The following RNF213 variants were observed in gnomAD, a reference collection of about 807,000 sequenced individuals.
RNF213 encodes E3 ubiquitin-protein ligase RNF213.
In RNF213, 341 loss-of-function variants were observed where a neutral mutation model predicts 514.4. The ratio of observed to expected loss-of-function variants is 0.66; its 90% CI spans 0.61 to 0.73. The LOEUF (loss-of-function observed/expected upper bound fraction) is 0.73. Ranked by LOEUF, RNF213 falls within the 30% of genes least tolerant of loss-of-function variation. The pLI is 0.00. For missense variants in RNF213, 5,767 were observed against 6,615.6 expected (o/e 0.87, Z 4.45); for synonymous variants, 2,655 against 2,658.2 (o/e 1.00, Z 0.04).
At chr17:80,387,827 A>G (rs1568172292) in intron 63 of RNF213, among the ~76,000 whole-genome samples, 1 of 152,148 alleles carries the variant, frequency 6.6e-6, no homozygotes, top group Non-Finnish European at 1.5e-5. Flanking sequence ...CTGAAGCCAC[A>G]CAGCAGGCAC....
intron 56 of RNF213, chr17:80,381,237 G>T: frequency 6.6e-6 from 4 of 604,666 alleles, no homozygotes; most frequent in Non-Finnish European, 1.2e-5. Flanking sequence ...CCACATCTGG[G>T]AGTAGAGAGG....
At chr17:80,392,082 T>A (rs1174569599) in intron 67 of RNF213, among the ~76,000 whole-genome samples, 1 of 152,066 alleles carries the variant, frequency 6.6e-6, no homozygotes, top group Non-Finnish European at 1.5e-5. Context: ...CTCTCTCTTC[T>A]TGTGCTTTCA....
At chr17:80,360,422 T>C (rs1371631877) in intron 38 of RNF213, 1 of 588,002 alleles carries the variant, frequency 1.7e-6, no homozygotes, top group Non-Finnish European at 3.1e-6. Flanking sequence ...CCAGAAACCT[T>C]TCGATCCTAT....
chr17:80,304,612 C>T lies in RNF213; in HGVS notation c.2211-1640C>T, dbSNP rs534722447. Among the ~76,000 whole-genome samples the T allele has an allele frequency of 5.0e-3, 762 of 151,950 alleles. 7 individuals carry two copies. Among genetic ancestry groups the T allele is most frequent in the African/African-American group, 0.015 (601 of 41,412 alleles). On this transcript the variant is annotated intron_variant, in intron 11 of 67. Transcript: ENST00000582970. ...CCGAGATCACACCACTGCACTCCAG[C>T]CAAGGCAACAGAGTGAGACTCCAAC...
intron 18 of RNF213, among the ~76,000 whole-genome samples, chr17:80,326,740 C>T (rs1029783753): frequency 2.6e-5 from 4 of 152,206 alleles, no homozygotes; most frequent in African/African-American, 9.7e-5. Context: ...GAGCTAACTT[C>T]GTTTTACCAC....
intron 17 of RNF213, chr17:80,321,404 T>A (rs1463527929): frequency 6.6e-6 from 1 of 152,246 alleles, no homozygotes; most frequent in Non-Finnish European, 1.5e-5. Flanking sequence ...CGTTTATCCA[T>A]GTGTCCATTG....
chr17:80,266,356 G>A (rs958178221), intron 2 of RNF213, among the ~76,000 whole-genome samples: 2 of 151,868 alleles, frequency 1.3e-5, no homozygotes, highest in South Asian at 4.1e-4. Context: ...CGAGGCTGCA[G>A]TAAGCCATGA....
At chr17:80,307,067 C>A in intron 12 of RNF213, 61 bp from the exon 13 acceptor site, 1 of 1,525,174 alleles carries the variant, frequency 6.6e-7, no homozygotes, top group Non-Finnish European at 9.1e-7. Flanking sequence ...TCTGTTTTAG[C>A]AATGACAGTG....
intron 8 of RNF213, among the ~76,000 whole-genome samples, chr17:80,292,585 C>T (rs1014436900): frequency 6.6e-6 from 1 of 152,040 alleles, no homozygotes; most frequent in Non-Finnish European, 1.5e-5. Flanking sequence ...CTGTCATCCT[C>T]AGCACATCAG....
At chr17:80,374,050 C>T (rs1246724282) in intron 49 of RNF213, among the ~76,000 whole-genome samples, 1 of 151,726 alleles carries the variant, frequency 6.6e-6, no homozygotes, top group African/African-American at 2.4e-5. Context: ...CTCAGTGGTC[C>T]TTTCCAGATA....
rs775085564 is a variant in RNF213 at position 80,363,610 on chromosome 17, C to T, written c.11570C>T (p.Thr3857Ile). 65 of 1,613,452 alleles carry T rather than the reference C, an allele frequency of 4.0e-5. No homozygotes were observed. The highest frequency in any genetic ancestry group is 1.8e-4 in the South Asian group (16 of 91,062). The change falls in exon 41 of 68, where the codon ACC becomes ATC. Residue 3857 changes from threonine (T) to isoleucine (I), a missense_variant and splice_region_variant. By Grantham distance (89) the Thr-to-Ile change is moderately conservative. Around this residue, in one of 13 missense-constraint regions of RNF213, gnomAD observed 355 missense variants for 358.0 expected, o/e 0.99. Transcript: ENST00000582970. Reference sequence around the variant, plus strand: ...ACGCCCTGCTGTCCGTCTCCCCAGACCCTGGACGCATTTGCCGCAATGGCC... The same window carrying T: ...ACGCCCTGCTGTCCGTCTCCCCAGATCCTGGACGCATTTGCCGCAATGGCC... ...WNHELAGCEM[T>I]LDAFAAMACT...
intron 64 of RNF213, 71 bp downstream of exon 64, chr17:80,388,760 C>A (rs1281039823): frequency 8.6e-7 from 1 of 1,159,014 alleles, no homozygotes; most frequent in Non-Finnish European, 1.3e-6. Flanking sequence ...CCGTGTTAGG[C>A]CTACTCCAGC....
intron 3 of RNF213, among the ~76,000 whole-genome samples, chr17:80,278,291 C>T (rs1047056422): frequency 3.3e-5 from 5 of 152,368 alleles, no homozygotes; most frequent in African/African-American, 1.2e-4. Context: ...CGCTACAGGG[C>T]CAGACTGCCC....
Position 80,325,017 on chromosome 17 carries a change from A to T in RNF213, c.3025-13A>T. On this transcript the variant is annotated splice_polypyrimidine_tract_variant and intron_variant, in intron 17 of 67. Transcript: ENST00000582970. ...AACTTCTAAATGTCCCTCTTTTATT[A>T]ATTTTCTTGTAGTCTCAGACCAGTA... 1.3e-6 allele frequency: 2 copies of T among 1,535,856 alleles called. No homozygotes were observed. Among genetic ancestry groups the T allele is most frequent in the Non-Finnish European group, 1.7e-6 (2 of 1,146,142 alleles).
Position 80,289,680 on chromosome 17 carries a change from G to A in RNF213, c.955G>A (p.Asp319Asn). 1 of 1,614,048 alleles carries A rather than the reference G, an allele frequency of 6.2e-7. No homozygotes were observed. Among genetic ancestry groups the A allele is most frequent in the Non-Finnish European group, 8.5e-7 (1 of 1,180,008 alleles). Reference sequence around the variant, plus strand: ...CCAGGAAGCTGAGACCAAGACCAAGGACGAGATGGCTGCTGCTGAAGAAAA... The same window carrying A: ...CCAGGAAGCTGAGACCAAGACCAAGAACGAGATGGCTGCTGCTGAAGAAAA... Reference protein sequence around the residue: ...HCQEAETKTKDEMAAAEEKVG... With the variant: ...HCQEAETKTKNEMAAAEEKVG... Residue 319 changes from aspartate (D) to asparagine (N), a missense_variant, in exon 6 of 68, where the codon GAC becomes AAC. Around this residue, in one of 13 missense-constraint regions of RNF213, gnomAD observed 509 missense variants for 496.7 expected, o/e 1.02. Transcript: ENST00000582970.
At position 80,353,227 on chromosome 17, in the gene RNF213, C is replaced by T; in HGVS notation, c.10423+168C>T. ...TGACTGGTGGCTCATCATAGAGCAC[C>T]AGGGCCGAGCAGGTGCGCTTACCAC... On this transcript the variant is annotated intron_variant, in intron 33 of 67. Coordinates refer to ENST00000582970, the MANE Select transcript of RNF213 (RefSeq NM_001256071.3). The surrounding 1 kb of genome is among the most constrained non-coding windows in gnomAD (Gnocchi z 5.0). 1.1e-6 allele frequency: 1 copy of T among 945,726 alleles called. No homozygotes were observed. Among genetic ancestry groups the T allele is most frequent in the Non-Finnish European group, 1.6e-6 (1 of 619,960 alleles). 58.6% of individuals were successfully genotyped at this position (945,726 alleles called of 1,614,324 possible). A position where few individuals can be genotyped will look rare whatever the true frequency, so the allele number is the denominator to read the frequency against.
At chr17:80,364,908 G>A (rs752976704) in intron 42 of RNF213, 4 of 335,974 alleles carry the variant, frequency 1.2e-5, no homozygotes, top group Non-Finnish European at 1.7e-5. Context: ...TGTGGAAGCT[G>A]TTACCATTTT....
At chr17:80,338,655 A>T (rs2078058064) in intron 25 of RNF213, among the ~76,000 whole-genome samples, 2 of 151,822 alleles carry the variant, frequency 1.3e-5, no homozygotes, top group South Asian at 4.2e-4. Context: ...AATTAAAAAA[A>T]AAAGATAATT....
intron 3 of RNF213, among the ~76,000 whole-genome samples, chr17:80,283,392 G>C (rs964660389): frequency 1.3e-5 from 2 of 152,220 alleles, no homozygotes; most frequent in African/African-American, 4.8e-5. Context: ...GTTCTGGGAT[G>C]GCGGCTTGAG....
Sources: allele counts gnomAD v4.1 joint callset (sites outside exome capture counted in the v4.1 genomes callset), GRCh38; gene constraint gnomAD v4.1.1; regional missense constraint gnomAD v4.1.1; non-coding constraint Gnocchi (gnomAD v3.1); transcripts MANE v1.5; gene names NCBI Gene and HGNC (gene_info 2026-07-23, HGNC 2026-07-21).